The following ZNF84 variants were observed in gnomAD, a reference collection of about 807,000 sequenced individuals.
The protein encoded by ZNF84 is zinc finger protein 84, also known as zinc finger protein HPF2.
Under a neutral mutation model 14.8 loss-of-function variants are expected in ZNF84, and 12 were observed. The observed-to-expected ratio is 0.81, with a 90% confidence interval of 0.52 to 1.31. The LOEUF (loss-of-function observed/expected upper bound fraction) is 1.31, where lower values mean the gene tolerates loss of function less well. ZNF84 is among the 50% of genes most tolerant of loss of function. The pLI is 0.00. For synonymous variants in ZNF84, 347 were observed against 291.1 expected, an observed-to-expected ratio of 1.19 and a Z score of -1.96; for missense variants, 859 against 878.6, an observed-to-expected ratio of 0.98 and a Z score of 0.28.
At position 133,056,950 on chromosome 12, in the gene ZNF84, A is replaced by G. The variant is rs3805728; in HGVS notation, c.239-4A>G. 0.24 allele frequency: 365,826 copies of G among 1,554,092 alleles called. 46,027 individuals carry two copies. Among genetic ancestry groups the G allele is most frequent in the Non-Finnish European group, 0.26 (299,119 of 1,157,368 alleles). ...CAAACAGATTGTTTTTGTTTCCTTT[A>G]TAGAAGTCTGGAAAGTAGATGGTAA... On this transcript the variant is annotated splice_region_variant and splice_polypyrimidine_tract_variant and intron_variant, in intron 4 of 4. Transcript: ENST00000539354.
At chr12:133,053,487 C>T (rs1954104718) in intron 4 of ZNF84, among the ~76,000 whole-genome samples, 1 of 152,134 alleles carries the variant, frequency 6.6e-6, no homozygotes, top group South Asian at 2.1e-4. Context: ...CACCTGTAAT[C>T]CCAGCAATTT....
At position 133,059,078 on chromosome 12, in the gene ZNF84, A is replaced by G. The variant is rs957680204; in HGVS notation, c.*146A>G. 5.0e-6 allele frequency: 4 copies of G among 793,866 alleles called. No homozygotes were observed. The African/African-American group carries it at 5.2e-5, about 10-fold the overall frequency. The allele number at this position is 793,866 out of a possible 1,614,324, so 49.2% of individuals were successfully genotyped here. A position where few individuals can be genotyped will look rare whatever the true frequency, so the allele number is the denominator to read the frequency against. ...AAATGAGGTGGTGTATGGAAAGCCGATCATAATTCATAGAGTAGAGTGAAC... is the reference window on the plus strand; with the variant it reads ...AAATGAGGTGGTGTATGGAAAGCCGGTCATAATTCATAGAGTAGAGTGAAC... On this transcript the variant is annotated 3_prime_UTR_variant, in exon 5 of 5. Coordinates refer to ENST00000539354, the MANE Select transcript of ZNF84 (RefSeq NM_001289971.2).
chr12:133,047,934 A>C, intron 2 of ZNF84, 21 bp from the exon 3 acceptor site: 1 of 1,613,280 alleles, frequency 6.2e-7, no homozygotes. Context: ...CTTCAGATTT[A>C]CCAGGATTGT....
Position 133,041,481 on chromosome 12 carries a change from A to C in ZNF84, c.14A>C (p.Gln5Pro), listed in dbSNP as rs1482442703. MTML[Q>P]ESFSFDDLSV... ...CAGCAGCAGAAAATGACCATGTTACAGGTGAGTTGATTGTTGAGTTCTTAT... is the reference window on the plus strand; with the variant it reads ...CAGCAGCAGAAAATGACCATGTTACCGGTGAGTTGATTGTTGAGTTCTTAT... Residue 5 changes from glutamine to proline, a missense_variant and splice_region_variant, in exon 2 of 5, where the codon CAG becomes CCG. By Grantham distance (76) the Gln-to-Pro change is moderately conservative. Coordinates refer to ENST00000539354, the MANE Select transcript of ZNF84 (RefSeq NM_001289971.2). 2.5e-6 allele frequency: 4 copies of C among 1,614,042 alleles called. No individual in the cohort carries two copies. In the African/African-American group the frequency reaches 5.3e-5, roughly 22 times the overall value.
In ZNF84 at chr12:133,060,786, T is replaced by G. The variant is rs1481700177; in HGVS notation, c.*1854T>G. The G allele has an allele frequency of 6.6e-6, 1 of 152,256 alleles. No individual in the cohort carries two copies. The highest frequency in any genetic ancestry group is 2.4e-5 in the African/African-American group (1 of 41,472). The allele number at this position is 152,256 out of a possible 1,614,324, so 9.4% of individuals were successfully genotyped here. Reference sequence around the variant, plus strand: ...CACATTGAGAACTTACCATTATATATTTCCATAAAAATGCATGAACCATCC... The same window carrying G: ...CACATTGAGAACTTACCATTATATAGTTCCATAAAAATGCATGAACCATCC... On this transcript the variant is annotated 3_prime_UTR_variant, in exon 5 of 5. Transcript: ENST00000539354.
rs1045002679 is a variant in ZNF84, at chr12:133,060,948, C to T, written c.*2016C>T. ...AACTTAGAAAAACTCAAGACTTCTCCTTTTATGTTCAAATTGTTGTATCAG... is the reference window on the plus strand; with the variant it reads ...AACTTAGAAAAACTCAAGACTTCTCTTTTTATGTTCAAATTGTTGTATCAG... On this transcript the variant is annotated 3_prime_UTR_variant, in exon 5 of 5. Coordinates refer to ENST00000539354, the MANE Select transcript of ZNF84 (RefSeq NM_001289971.2). 6.6e-6 allele frequency: 1 copy of T among 152,142 alleles called. No individual in the cohort carries two copies. Among genetic ancestry groups the T allele is most frequent in the East Asian group, 1.9e-4 (1 of 5,200 alleles). 9.4% of individuals were successfully genotyped at this position (152,142 alleles called of 1,614,324 possible).
chr12:133,062,954 C>T lies in ZNF84; in HGVS notation c.*4022C>T. ...TCTATATGAACCTGTACGTGTGTTT[C>T]TCACTGTGATAATATAATCATTGCA... On this transcript the variant is annotated 3_prime_UTR_variant, in exon 5 of 5. Coordinates refer to ENST00000539354, the MANE Select transcript of ZNF84 (RefSeq NM_001289971.2). 1.6e-6 allele frequency: 1 copy of T among 618,322 alleles called. No homozygotes were observed. 38.3% of individuals were successfully genotyped at this position (618,322 alleles called of 1,614,324 possible).
intron 2 of ZNF84, among the ~76,000 whole-genome samples, chr12:133,042,263 G>T (rs1418544996): frequency 6.6e-6 from 1 of 152,208 alleles, no homozygotes; most frequent in South Asian, 2.1e-4. Context: ...GAAGCTTTAA[G>T]TGAACAGGTG....
At chr12:133,044,886 C>T (rs1218959720) in intron 2 of ZNF84, among the ~76,000 whole-genome samples, 5 of 151,660 alleles carry the variant, frequency 3.3e-5, no homozygotes, top group Admixed American at 6.6e-5. Flanking sequence ...TGCACTCCAG[C>T]CTGGGCAACA....
In ZNF84 at chr12:133,059,633, T is replaced by C. The variant is rs1841624077; in HGVS notation, c.*701T>C. On this transcript the variant is annotated 3_prime_UTR_variant, in exon 5 of 5. Transcript: ENST00000539354. Reference sequence around the variant, plus strand: ...TTCTTAGTGGTATTTGTGGCTTATCTTCTAGTGTCACGTATGTTTTGTGTT... The same window carrying C: ...TTCTTAGTGGTATTTGTGGCTTATCCTCTAGTGTCACGTATGTTTTGTGTT... 6.6e-6 allele frequency: 1 copy of C among 152,248 alleles called. No individual in the cohort carries two copies. The highest frequency in any genetic ancestry group is 6.5e-5 in the Admixed American group (1 of 15,292). 9.4% of individuals were successfully genotyped at this position (152,248 alleles called of 1,614,324 possible).
Position 133,058,622 on chromosome 12 carries a change from T to C in ZNF84, c.1907T>C (p.Phe636Ser). ...PYECNECRKA[F>S]REKSSLINHQ... ...GAATGCAATGAATGTAGAAAAGCCT[T>C]CAGGGAGAAGTCAAGTCTCATCAAT... The change falls in exon 5 of 5, where the codon TTC becomes TCC. Residue 636 changes from phenylalanine to serine, a missense_variant. Coordinates refer to ENST00000539354, the MANE Select transcript of ZNF84 (RefSeq NM_001289971.2). 1 of 1,614,176 alleles carries C rather than the reference T, an allele frequency of 6.2e-7. No homozygotes were observed. The highest frequency in any genetic ancestry group is 1.1e-5 in the South Asian group (1 of 91,084).
At chr12:133,054,319 G>C (rs1303034242) in intron 4 of ZNF84, among the ~76,000 whole-genome samples, 1 of 152,118 alleles carries the variant, frequency 6.6e-6, no homozygotes, top group Non-Finnish European at 1.5e-5. Flanking sequence ...TGGGAGCCTG[G>C]GGGGTTGAGG....
chr12:133,063,274 C>A lies in ZNF84; in HGVS notation c.*4342C>A. 1.4e-6 allele frequency: 1 copy of A among 701,854 alleles called. No homozygotes were observed. The allele number at this position is 701,854 out of a possible 1,614,324, so 43.5% of individuals were successfully genotyped here. ...TTCTTCTGTGAGATACTCCAAATAT[C>A]CTAATAAATTCTCATGTTTGCTTCA... is the stretch of plus-strand genomic sequence containing the variant. On this transcript the variant is annotated 3_prime_UTR_variant, in exon 5 of 5. Coordinates refer to ENST00000539354, the MANE Select transcript of ZNF84 (RefSeq NM_001289971.2).
At position 133,048,071 on chromosome 12, in the gene ZNF84, A is replaced by G. The variant is rs1593702814; in HGVS notation, c.132A>G (p.Leu44=). 2.5e-6 allele frequency: 4 copies of G among 1,613,502 alleles called. No homozygotes were observed. The highest frequency in any genetic ancestry group is 4.5e-5 in the East Asian group (2 of 44,824). The stretch of plus-strand genomic sequence containing the variant: ...TGATGTTGGAGAACTATAGCAGCCT[A>G]GTGTCACTGGGTAATAAAAGCTTTC... The part of the protein sequence containing the change: ...KDVMLENYSS[L]VSLGYEVMKP... The change falls in exon 3 of 5, where the codon CTA becomes CTG. Residue 44 remains leucine (L), a synonymous_variant. Coordinates refer to ENST00000539354, the MANE Select transcript of ZNF84 (RefSeq NM_001289971.2).
chr12:133,040,501 G>T (rs1202492270), intron 1 of ZNF84: 1 of 147,938 alleles, frequency 6.8e-6, no homozygotes, highest in African/African-American at 2.5e-5. Context: ...TGAGCCTGGA[G>T]TTCAAAGTTG....
intron 4 of ZNF84, among the ~76,000 whole-genome samples, chr12:133,049,399 A>G (rs1334232171): frequency 2.0e-5 from 3 of 151,982 alleles, no homozygotes; most frequent in African/African-American, 7.3e-5. Context: ...ATTTATCCTT[A>G]TCCTCCCTTT....
Position 133,057,453 on chromosome 12 carries a change from G to C in ZNF84, c.738G>C (p.Gln246His). 1.9e-6 allele frequency: 3 copies of C among 1,614,194 alleles called. No homozygotes were observed. The highest frequency in any genetic ancestry group is 2.5e-6 in the Non-Finnish European group (3 of 1,180,030). The change falls in exon 5 of 5, where the codon CAG becomes CAC. Residue 246 changes from glutamine (Q) to histidine (H), a missense_variant. Coordinates refer to ENST00000539354, the MANE Select transcript of ZNF84 (RefSeq NM_001289971.2). ...GCGNCGKTFP[Q>H]KSQFITHHRT... The stretch of plus-strand genomic sequence containing the variant: ...GTAATTGTGGCAAAACCTTTCCCCA[G>C]AAGTCTCAGTTTATTACACATCACA...
At position 133,046,307 on chromosome 12, in the gene ZNF84, C is replaced by G. The variant is rs997548559; in HGVS notation, c.16-1648C>G. 5.2e-3 allele frequency among the ~76,000 whole-genome samples: 782 copies of G among 149,854 alleles called. 12 individuals are homozygous for G. Among genetic ancestry groups the G allele is most frequent in the African/African-American group, 0.019 (750 of 40,398 alleles). On this transcript the variant is annotated intron_variant, in intron 2 of 4. Transcript: ENST00000539354. ...TCATCACTATCCCATTCCCTATTAT[C>G]CTGTCAGACTGATGTTTTTGTATCT...
At position 133,059,166 on chromosome 12, in the gene ZNF84, T is replaced by TG; in HGVS notation, c.*234_*235insG. The TG allele has an allele frequency of 2.3e-6, 1 of 433,680 alleles. No individual in the cohort carries two copies. The highest frequency in any genetic ancestry group is 4.0e-6 in the Non-Finnish European group (1 of 246,942). The allele number at this position is 433,680 out of a possible 1,614,324, so 26.9% of individuals were successfully genotyped here. ...TAGACAAGCCTTATAGAGTAGAACA[T>TG]TCACAGCAAAGAAGAATCCTGTGAA... On this transcript the variant is annotated 3_prime_UTR_variant, in exon 5 of 5. Coordinates refer to ENST00000539354, the MANE Select transcript of ZNF84 (RefSeq NM_001289971.2).
Sources: gnomAD v4.1 joint callset for allele counts (sites outside exome capture counted in the v4.1 genomes callset) on GRCh38, gnomAD v4.1.1 for gene constraint, MANE v1.5 for transcripts, NCBI Gene and HGNC (gene_info 2026-07-23, HGNC 2026-07-21) for gene names.